Variants in GMDS observed in about 807,000 individuals in gnomAD.
The protein encoded by GMDS is GDP-mannose 4,6-dehydratase.
A neutral mutation model predicts 49.9 loss-of-function variants in GMDS; 20 were observed. That is an observed-to-expected ratio of 0.40 (90% confidence interval 0.28 to 0.58). The LOEUF is 0.58. Among genes scored for constraint, GMDS ranks in the 20% least tolerant of loss-of-function variants. The pLI is 0.42. For synonymous variants in GMDS, 177 were observed against 178.6 expected, an observed-to-expected ratio of 0.99 and a Z score of 0.07; for missense variants, 362 against 481.4, an observed-to-expected ratio of 0.75 and a Z score of 2.32.
intron 7 of GMDS, among the ~76,000 whole-genome samples, chr6:1,899,587 T>A (rs1214712432): frequency 1.3e-5 from 2 of 152,158 alleles, no homozygotes; most frequent in South Asian, 4.1e-4. Flanking sequence ...CAGGAGATTA[T>A]GGAAGAAAGT....
At chr6:2,104,279 T>C (rs1170782689) in intron 4 of GMDS, among the ~76,000 whole-genome samples, 1 of 152,256 alleles carries the variant, frequency 6.6e-6, no homozygotes, top group Non-Finnish European at 1.5e-5. Context: ...CTGGGATTTG[T>C]CCAGAAATTC....
chr6:1,710,976 G>A (rs1765937179), intron 9 of GMDS, among the ~76,000 whole-genome samples: 1 of 152,344 alleles, frequency 6.6e-6, no homozygotes, highest in East Asian at 1.9e-4. Context: ...GAAAGGATGT[G>A]CCAAGCCAAG....
chr6:1,858,344 C>A (rs1758032100), intron 7 of GMDS, among the ~76,000 whole-genome samples: 1 of 152,082 alleles, frequency 6.6e-6, no homozygotes, highest in South Asian at 2.1e-4. Context: ...GTTATAAACG[C>A]ACCAAATATG....
Position 2,193,157 on chromosome 6 carries a change from G to A in GMDS, c.102+52164C>T, listed in dbSNP as rs76632113. 1.1e-3 allele frequency among the ~76,000 whole-genome samples: 166 copies of A among 152,288 alleles called. 4 individuals carry two copies. The East Asian group carries it at 0.024, about 22-fold the overall frequency. ...CTAAGACACCCAGGACAGTCTGCAC[G>A]GCCAAAGACTTCTGCATTCCTCACA... On this transcript the variant is annotated intron_variant, in intron 1 of 10. Transcript: ENST00000380815.
rs375155712 is a variant in GMDS at position 2,083,602 on chromosome 6, T to C, written c.345+32169A>G. 2.0e-5 allele frequency among the ~76,000 whole-genome samples: 3 copies of C among 152,312 alleles called. No homozygotes were observed. The East Asian group carries it at 5.8e-4, about 29-fold the overall frequency. On this transcript the variant is annotated intron_variant, in intron 4 of 10. Coordinates refer to ENST00000380815, the MANE Select transcript of GMDS (RefSeq NM_001500.4). ...GGTTAATTCTAACTACTTTGAAAGA[T>C]TGACCCAAACATCTTCTAGATAATC...
intron 7 of GMDS, among the ~76,000 whole-genome samples, chr6:1,850,709 G>A (rs559351270): frequency 2.0e-5 from 3 of 152,306 alleles, no homozygotes; most frequent in African/African-American, 7.2e-5. Flanking sequence ...AGCAGGGTAA[G>A]AGTTCACTCA....
intron 6 of GMDS, among the ~76,000 whole-genome samples, chr6:1,945,315 G>A (rs1763028632): frequency 6.6e-6 from 1 of 151,982 alleles, no homozygotes; most frequent in Admixed American, 6.6e-5. Flanking sequence ...CATGCAGGAG[G>A]CAATAGCGTG....
At chr6:2,088,046 C>G (rs571690434) in intron 4 of GMDS, among the ~76,000 whole-genome samples, 3 of 151,532 alleles carry the variant, frequency 2.0e-5, no homozygotes, top group Non-Finnish European at 2.9e-5. Flanking sequence ...AAGTAATATG[C>G]TCATATGCTG....
intron 7 of GMDS, among the ~76,000 whole-genome samples, chr6:1,901,158 C>T (rs1398683516): frequency 6.6e-6 from 1 of 152,216 alleles, no homozygotes; most frequent in Non-Finnish European, 1.5e-5. Context: ...GCTCCCGGCT[C>T]TCAGCTCCTG....
At chr6:2,224,535 T>G (rs1561670648) in intron 1 of GMDS, among the ~76,000 whole-genome samples, 1 of 152,156 alleles carries the variant, frequency 6.6e-6, no homozygotes. Context: ...TTCTAAAGAG[T>G]GCACTGAGTA....
At chr6:1,853,386 C>G (rs1176455902) in intron 7 of GMDS, among the ~76,000 whole-genome samples, 1 of 149,888 alleles carries the variant, frequency 6.7e-6, no homozygotes, top group Admixed American at 6.6e-5. Flanking sequence ...GGCGTGGTAG[C>G]GGGCGCCTGT....
rs181289751 is a variant in GMDS at position 1,889,726 on chromosome 6, T to A, written c.771+40377A>T. 5.3e-3 allele frequency among the ~76,000 whole-genome samples: 806 copies of A among 152,352 alleles called. 6 individuals are homozygous for A. Among genetic ancestry groups the A allele is most frequent in the African/African-American group, 0.019 (773 of 41,584 alleles). ...TTACCACGATCTAAGTTTAGAATAC[T>A]TCATCACCCAAAAAGAAACACTGTA... On this transcript the variant is annotated intron_variant, in intron 7 of 10. Coordinates refer to ENST00000380815, the MANE Select transcript of GMDS (RefSeq NM_001500.4).
intron 1 of GMDS, among the ~76,000 whole-genome samples, chr6:2,189,852 T>G (rs1015183960): frequency 6.6e-6 from 1 of 152,242 alleles, no homozygotes; most frequent in Non-Finnish European, 1.5e-5. Flanking sequence ...AGATCAATTC[T>G]GCTCAAACTT....
At chr6:2,065,494 C>T (rs573229906) in intron 4 of GMDS, among the ~76,000 whole-genome samples, 1 of 152,024 alleles carries the variant, frequency 6.6e-6, no homozygotes, top group Non-Finnish European at 1.5e-5. Flanking sequence ...GACATTCAAA[C>T]CAAAGGCAAA....
chr6:2,203,281 G>T (rs889514279), intron 1 of GMDS, among the ~76,000 whole-genome samples: 30 of 152,224 alleles, frequency 2.0e-4, no homozygotes, highest in Admixed American at 1.8e-3. Flanking sequence ...AATGAAAAAT[G>T]ATGGTAAAAT....
intron 7 of GMDS, among the ~76,000 whole-genome samples, chr6:1,819,771 A>C (rs867534180): frequency 0.015 from 1,962 of 128,388 alleles, 45 homozygotes; most frequent in African/African-American, 0.049. Context: ...AAAAAAAAAA[A>C]AAAAAATATA....
chr6:1,989,696 C>T (rs2127360512), intron 4 of GMDS, among the ~76,000 whole-genome samples: 1 of 152,344 alleles, frequency 6.6e-6, no homozygotes, highest in South Asian at 2.1e-4. Context: ...CTTCCAAACA[C>T]TCCTCTCTGA....
At chr6:2,153,948 C>G (rs1487192373) in intron 1 of GMDS, among the ~76,000 whole-genome samples, 1 of 152,118 alleles carries the variant, frequency 6.6e-6, no homozygotes, top group Non-Finnish European at 1.5e-5. Flanking sequence ...AAATTATACT[C>G]TGAAGGGAAG....
intron 7 of GMDS, among the ~76,000 whole-genome samples, chr6:1,871,211 T>A (rs1758727701): frequency 6.6e-6 from 1 of 152,168 alleles, no homozygotes; most frequent in Non-Finnish European, 1.5e-5. Flanking sequence ...TGGGACCTGT[T>A]TGTGACTTCT....
Sources: gnomAD v4.1 joint callset for allele counts (sites outside exome capture counted in the v4.1 genomes callset) on GRCh38, gnomAD v4.1.1 for gene constraint, MANE v1.5 for transcripts, NCBI Gene and HGNC (gene_info 2026-07-23, HGNC 2026-07-21) for gene names.